The following INO80 variants were observed in gnomAD, a reference collection of about 807,000 sequenced individuals.
The protein encoded by INO80 is chromatin-remodeling ATPase INO80.
A neutral mutation model predicts 203.4 loss-of-function variants in INO80; 20 were observed. The ratio of observed to expected loss-of-function variants is 0.10; its 90% CI spans 0.07 to 0.14. The LOEUF is 0.14. Among genes scored for constraint, INO80 ranks in the 10% least tolerant of loss-of-function variants. The probability of loss-of-function intolerance (pLI) is 1.00; values close to 1 mark genes in which losing one functional copy is unlikely to be tolerated. For synonymous variants in INO80, 726 were observed against 685.2 expected (o/e 1.06, Z -0.93); for missense variants, 1,419 against 1,914.4 (o/e 0.74, Z 4.83).
intron 7 of INO80, among the ~76,000 whole-genome samples, chr15:41,081,727 T>C (rs1441464899): frequency 6.6e-6 from 1 of 152,170 alleles, no homozygotes; most frequent in Non-Finnish European, 1.5e-5. Flanking sequence ...AAGAAGATGC[T>C]GAAGAGGCAG....
chr15:41,112,541 C>A (rs2045971755), intron 1 of INO80, among the ~76,000 whole-genome samples: 1 of 152,026 alleles, frequency 6.6e-6, no homozygotes, highest in African/African-American at 2.4e-5. Context: ...GTAATCCCAG[C>A]ACTTTGGGAT....
At chr15:41,047,309 TA>T in intron 23 of INO80, 98 bp downstream of exon 23, 1 of 792,164 alleles carries the variant, frequency 1.3e-6, no homozygotes, top group Non-Finnish European at 2.1e-6. Context: ...ACAAGTTCTC[TA>T]AGATGATATC....
intron 28 of INO80, among the ~76,000 whole-genome samples, chr15:41,001,973 G>A (rs901665312): frequency 6.6e-6 from 1 of 152,102 alleles, no homozygotes; most frequent in Non-Finnish European, 1.5e-5. Flanking sequence ...TTTATAAGTT[G>A]AGCATTTTCC....
chr15:41,034,024 T>C (rs1596277624), intron 24 of INO80, among the ~76,000 whole-genome samples: 4 of 152,210 alleles, frequency 2.6e-5, no homozygotes, highest in Admixed American at 2.6e-4. Flanking sequence ...ATGGTGCCAC[T>C]GCACTCCAGT....
intron 17 of INO80, among the ~76,000 whole-genome samples, chr15:41,055,959 T>C (rs2044976240): frequency 6.6e-6 from 1 of 150,884 alleles, no homozygotes; most frequent in African/African-American, 2.4e-5. Flanking sequence ...TTTTTTTTTT[T>C]TTTGAGATGG....
chr15:41,101,962 C>T (rs1483435395), intron 1 of INO80, among the ~76,000 whole-genome samples: 2 of 151,820 alleles, frequency 1.3e-5, no homozygotes, highest in Admixed American at 6.6e-5. Flanking sequence ...GAGGCTGAGA[C>T]GAGCAGATTA....
At chr15:41,048,598 T>C (rs1009142782) in intron 21 of INO80, among the ~76,000 whole-genome samples, 2 of 152,162 alleles carry the variant, frequency 1.3e-5, no homozygotes, top group Admixed American at 1.3e-4. Context: ...CAGCTCAAGT[T>C]AAATATTAAC....
chr15:41,070,331 A>C (rs2045290332), intron 13 of INO80, 136 bp downstream of exon 13: 1 of 748,886 alleles, frequency 1.3e-6, no homozygotes, highest in Non-Finnish European at 2.2e-6. Flanking sequence ...CCCCTTATAA[A>C]GCTCTGAGGC....
intron 4 of INO80, among the ~76,000 whole-genome samples, chr15:41,095,373 A>G (rs2045707467): frequency 6.6e-6 from 1 of 152,218 alleles, no homozygotes; most frequent in Non-Finnish European, 1.5e-5. Flanking sequence ...TCTGGTCTCA[A>G]GCATTTCAGA....
chr15:40,982,162 T>G (rs78414301), intron 35 of INO80, among the ~76,000 whole-genome samples: 1 of 152,220 alleles, frequency 6.6e-6, no homozygotes, highest in East Asian at 1.9e-4. Flanking sequence ...CGTTTTTTAG[T>G]TTTTGAGAGA....
chr15:41,014,775 T>C (rs998258836), intron 27 of INO80, among the ~76,000 whole-genome samples: 7 of 152,312 alleles, frequency 4.6e-5, no homozygotes, highest in East Asian at 1.9e-4. Context: ...GATAAATTCA[T>C]TGCAAAATTC....
At chr15:41,035,992 A>G (rs758599654) in intron 24 of INO80, among the ~76,000 whole-genome samples, 27 of 150,176 alleles carry the variant, frequency 1.8e-4, no homozygotes, top group South Asian at 4.3e-4. Context: ...AACAAAACAA[A>G]AAAACCCATA....
intron 23 of INO80, 105 bp downstream of exon 23, chr15:41,047,303 G>A (rs911765343): frequency 3.9e-6 from 3 of 767,954 alleles, no homozygotes; most frequent in Admixed American, 5.6e-5. Context: ...TTAATGACAA[G>A]TTCTCTAAGA....
intron 17 of INO80, among the ~76,000 whole-genome samples, chr15:41,056,381 T>C (rs1300735267): frequency 6.6e-6 from 1 of 152,268 alleles, no homozygotes; most frequent in Non-Finnish European, 1.5e-5. Context: ...TTACATTTTC[T>C]AATGTGGTCA....
At chr15:41,087,439 T>A in intron 6 of INO80, 123 bp downstream of exon 6, 1 of 1,060,366 alleles carries the variant, frequency 9.4e-7, no homozygotes, top group South Asian at 1.7e-5. Flanking sequence ...GAAAGGAGAG[T>A]TTTTCAGATA....
At chr15:41,086,426 G>A (rs1473653436) in intron 6 of INO80, among the ~76,000 whole-genome samples, 12 of 152,030 alleles carry the variant, frequency 7.9e-5, no homozygotes, top group Admixed American at 7.2e-4. Context: ...CAAGGCAGGC[G>A]GATCACCTGA....
At chr15:41,099,923 T>C (rs1406366121) in intron 1 of INO80, among the ~76,000 whole-genome samples, 1 of 152,192 alleles carries the variant, frequency 6.6e-6, no homozygotes, top group Non-Finnish European at 1.5e-5. Flanking sequence ...TTGATACATG[T>C]ATAAATGTAA....
chr15:41,115,429 A>C (rs1055217308), intron 1 of INO80, among the ~76,000 whole-genome samples: 1 of 152,330 alleles, frequency 6.6e-6, no homozygotes, highest in East Asian at 1.9e-4. Context: ...GACACTCCCA[A>C]GTCTATGCAG....
At chr15:41,094,414 G>GTTCT (rs2045690147) in intron 4 of INO80, among the ~76,000 whole-genome samples, 1 of 152,194 alleles carries the variant, frequency 6.6e-6, no homozygotes. Flanking sequence ...ATATAAGATG[G>GTTCT]TTCTCTGTGA....
Sources: gnomAD v4.1 joint callset for allele counts (sites outside exome capture counted in the v4.1 genomes callset) on GRCh38, gnomAD v4.1.1 for gene constraint, MANE v1.5 for transcripts, NCBI Gene and HGNC (gene_info 2026-07-23, HGNC 2026-07-21) for gene names.